Variants in ROBO2 observed in about 807,000 individuals in gnomAD.
The protein encoded by ROBO2 is roundabout homolog 2.
Under a neutral mutation model 160.8 loss-of-function variants are expected in ROBO2, and 53 were observed. The observed-to-expected ratio is 0.33, with a 90% CI of 0.26 to 0.41. The LOEUF (loss-of-function observed/expected upper bound fraction) is 0.41, where lower values mean the gene tolerates loss of function less well. Among genes scored for constraint, ROBO2 ranks in the 10% least tolerant of loss-of-function variants. The probability of loss-of-function intolerance (pLI) is 1.00; values close to 1 mark genes in which losing one functional copy is unlikely to be tolerated. For missense variants in ROBO2, 1,577 were observed against 1,722.4 expected, an observed-to-expected ratio of 0.92 and a Z score of 1.49; for synonymous variants, 664 against 611.7, an observed-to-expected ratio of 1.09 and a Z score of -1.26.
At chr3:77,622,329 T>C in exon 23 of ROBO2, 1 of 1,614,198 alleles carries the variant, frequency 6.2e-7, no homozygotes, top group Non-Finnish European at 8.5e-7. Flanking sequence ...TTGCAGATGA[T>C]GATGCCGACG....
intron 2 of ROBO2, among the ~76,000 whole-genome samples, chr3:77,145,935 C>G (rs560352847): frequency 1.3e-5 from 2 of 152,260 alleles, no homozygotes; most frequent in South Asian, 2.1e-4. Context: ...GTGATGCTGT[C>G]ATGCTCTTCA....
At chr3:77,079,012 C>T (rs556066574) in intron 1 of ROBO2, among the ~76,000 whole-genome samples, 66 of 152,204 alleles carry the variant, frequency 4.3e-4, no homozygotes, top group Middle Eastern at 3.4e-3. Flanking sequence ...GGTGCGATCT[C>T]GGCTCACTGC....
chr3:76,402,279 A>G (rs1420119403), intron 2 of ROBO2, among the ~76,000 whole-genome samples: 11 of 151,546 alleles, frequency 7.3e-5, no homozygotes, highest in Non-Finnish European at 7.4e-5. Context: ...CCCAGTGGTA[A>G]ACACTGGGTT....
At chr3:77,565,356 G>A (rs929608260) in intron 12 of ROBO2, among the ~76,000 whole-genome samples, 7 of 152,082 alleles carry the variant, frequency 4.6e-5, no homozygotes, top group Admixed American at 3.9e-4. Flanking sequence ...CCTCTACGTC[G>A]AATGAATTCA....
At chr3:76,518,210 G>A (rs7624826) in intron 2 of ROBO2, among the ~76,000 whole-genome samples, 12,727 of 152,130 alleles carry the variant, frequency 0.084, 656 homozygotes, top group Middle Eastern at 0.12. Flanking sequence ...GCATGGAAGC[G>A]CACCAGTATG....
At chr3:77,119,669 A>G (rs557427709) in intron 2 of ROBO2, among the ~76,000 whole-genome samples, 2 of 152,350 alleles carry the variant, frequency 1.3e-5, no homozygotes, top group South Asian at 4.1e-4. Context: ...AGTAATGCAT[A>G]TGAAAGTACG....
At chr3:76,533,246 C>T (rs895718709) in intron 2 of ROBO2, among the ~76,000 whole-genome samples, 8 of 152,188 alleles carry the variant, frequency 5.3e-5, no homozygotes, top group Non-Finnish European at 7.4e-5. Context: ...TTAAACACAA[C>T]GCCTGTCAGG....
intron 2 of ROBO2, among the ~76,000 whole-genome samples, chr3:76,070,917 A>G (rs6549832): frequency 0.63 from 95,588 of 152,050 alleles, 30,702 homozygotes; most frequent in Middle Eastern, 0.76. Context: ...TGTCACGAAA[A>G]CAAGTGTAAA....
chr3:77,541,007 G>T (rs551578360), intron 6 of ROBO2, among the ~76,000 whole-genome samples: 1 of 152,118 alleles, frequency 6.6e-6, no homozygotes, highest in Non-Finnish European at 1.5e-5. Context: ...TATAGAATAT[G>T]TTAGTATTTA....
chr3:76,130,953 T>G (rs1020416475), intron 2 of ROBO2, among the ~76,000 whole-genome samples: 1 of 152,132 alleles, frequency 6.6e-6, no homozygotes, highest in African/African-American at 2.4e-5. Context: ...CCCCAGCACA[T>G]TCAGTGATGG....
chr3:76,118,407 A>T (rs564430953), intron 2 of ROBO2, among the ~76,000 whole-genome samples: 17 of 152,326 alleles, frequency 1.1e-4, no homozygotes, highest in African/African-American at 4.1e-4. Flanking sequence ...TCACTAAAGC[A>T]TTATCCTCAT....
chr3:77,279,995 T>A (rs988369728), intron 2 of ROBO2, among the ~76,000 whole-genome samples: 1 of 152,140 alleles, frequency 6.6e-6, no homozygotes, highest in African/African-American at 2.4e-5. Context: ...TTCTTAACAA[T>A]TTTTTAGGTA....
intron 2 of ROBO2, among the ~76,000 whole-genome samples, chr3:76,078,855 G>T (rs1300257215): frequency 6.6e-6 from 1 of 152,142 alleles, no homozygotes; most frequent in East Asian, 1.9e-4. Context: ...TCTACTAACA[G>T]TGTACAAGTG....
chr3:77,340,624 G>A (rs2066960996), intron 2 of ROBO2, among the ~76,000 whole-genome samples: 1 of 152,060 alleles, frequency 6.6e-6, no homozygotes, highest in Non-Finnish European at 1.5e-5. Flanking sequence ...CTAACAAGAA[G>A]ACCCAGTTTG....
At chr3:76,210,239 C>G (rs895723371) in intron 2 of ROBO2, among the ~76,000 whole-genome samples, 2 of 152,008 alleles carry the variant, frequency 1.3e-5, no homozygotes, top group Admixed American at 6.6e-5. Flanking sequence ...AATAAAAAAA[C>G]ACATATTTCT....
intron 2 of ROBO2, among the ~76,000 whole-genome samples, chr3:76,391,939 A>G (rs2077173645): frequency 6.6e-6 from 1 of 152,214 alleles, no homozygotes; most frequent in African/African-American, 2.4e-5. Flanking sequence ...ATCTGTTAGG[A>G]AGACAGTAGA....
intron 2 of ROBO2, among the ~76,000 whole-genome samples, chr3:75,967,497 C>T (rs1399383907): frequency 6.6e-6 from 1 of 151,474 alleles, no homozygotes; most frequent in Admixed American, 6.6e-5. Flanking sequence ...CCACATACTA[C>T]AATAACTACA....
intron 2 of ROBO2, among the ~76,000 whole-genome samples, chr3:76,409,453 CT>C (rs2075376880): frequency 6.6e-6 from 1 of 152,056 alleles, no homozygotes. Context: ...CATAATCAGC[CT>C]TTTCCTTATC....
chr3:76,490,101 T>C (rs1255861670), intron 2 of ROBO2, among the ~76,000 whole-genome samples: 2 of 151,722 alleles, frequency 1.3e-5, no homozygotes, highest in East Asian at 1.9e-4. Flanking sequence ...CTTTTTGGTA[T>C]GGAAGGCTTT....
Sources: allele counts gnomAD v4.1 joint callset (sites outside exome capture counted in the v4.1 genomes callset), GRCh38; gene constraint gnomAD v4.1.1; transcripts MANE v1.5; gene names NCBI Gene and HGNC (gene_info 2026-07-23, HGNC 2026-07-21).